The following ZNF350 variants were observed in gnomAD, a reference collection of about 807,000 sequenced individuals.
The protein encoded by ZNF350 is zinc finger protein 350.
A neutral mutation model predicts 13.1 loss-of-function variants in ZNF350; 5 were observed. That is an observed-to-expected ratio of 0.38 (90% confidence interval 0.20 to 0.80). ZNF350 has a LOEUF of 0.80. Among genes scored for constraint, ZNF350 ranks in the 30% least tolerant of loss-of-function variants. ZNF350 has a pLI of 0.43. For synonymous variants in ZNF350, 199 were observed against 224.2 expected (o/e 0.89, Z 1.00); for missense variants, 534 against 644.2 (o/e 0.83, Z 1.85).
At chr19:51,968,790 T>A in intron 3 of ZNF350, 117 bp from the exon 4 acceptor site, 1 of 1,425,412 alleles carries the variant, frequency 7.0e-7, no homozygotes, top group Non-Finnish European at 9.7e-7. Flanking sequence ...AAATTTAGTT[T>A]CTTATCTGAA....
At chr19:51,970,105 A>G (rs542695382) in intron 2 of ZNF350, among the ~76,000 whole-genome samples, 13 of 130,374 alleles carry the variant, frequency 1.0e-4, no homozygotes, top group Admixed American at 2.5e-4. Flanking sequence ...CCTCTTTCCC[A>G]GGCTGGAGTG....
At position 51,974,321 on chromosome 19, in the gene ZNF350, A is replaced by T. The variant is rs572350317; in HGVS notation, c.15+25T>A. 1.4e-4 allele frequency: 219 copies of T among 1,613,606 alleles called. 2 individuals are homozygous for T. In the South Asian group the frequency reaches 2.2e-3, roughly 17 times the overall value. On this transcript the variant is annotated intron_variant, in intron 2 of 4. Transcript: ENST00000243644. ...AATCTATTATGGAACAAAGGAAAGA[A>T]TAAAACAAACCAAAAGTCAGTTACC...
intron 1 of ZNF350, among the ~76,000 whole-genome samples, chr19:51,977,056 T>C (rs1395720726): frequency 1.3e-5 from 2 of 152,178 alleles, no homozygotes; most frequent in East Asian, 3.9e-4. Context: ...ACTGCCTCCT[T>C]CAGTTGCAGA....
At chr19:51,969,656 C>G (rs549645971) in intron 2 of ZNF350, among the ~76,000 whole-genome samples, 261 of 151,900 alleles carry the variant, frequency 1.7e-3, no homozygotes, top group African/African-American at 5.7e-3. Flanking sequence ...ACATGAGACC[C>G]CATCTGTACA....
rs3764539 is a variant in ZNF350, at chr19:51,965,237, C to T, written c.1216G>A (p.Glu406Lys). 2.5e-6 allele frequency: 4 copies of T among 1,614,082 alleles called. No homozygotes were observed. The highest frequency in any genetic ancestry group is 1.3e-5 in the African/African-American group (1 of 74,936). The part of the protein sequence containing the change: ...HTGERPYGCN[E>K]CGKAFAYMSC... ...ATATACGCAAACGCTTTCCCACACT[C>T]GTTACAGCCATAGGGTCTCTCTCCT... Residue 406 changes from glutamate (E) to lysine (K), a missense_variant, in exon 5 of 5, where the codon GAG becomes AAG. Glu to Lys is a moderately conservative substitution (Grantham distance 56). Coordinates refer to ENST00000243644, the MANE Select transcript of ZNF350 (RefSeq NM_021632.4).
chr19:51,977,666 A>AT (rs2085931955), intron 1 of ZNF350, among the ~76,000 whole-genome samples: 1 of 152,238 alleles, frequency 6.6e-6, no homozygotes, highest in African/African-American at 2.4e-5. Context: ...TTCTTGCAAG[A>AT]TTACATGAGG....
At chr19:51,967,554 C>T (rs1223013596) in intron 4 of ZNF350, among the ~76,000 whole-genome samples, 1 of 152,074 alleles carries the variant, frequency 6.6e-6, no homozygotes, top group Non-Finnish European at 1.5e-5. Flanking sequence ...TATTATATCA[C>T]AGAGATCACT....
rs4987242 is a variant in ZNF350, at chr19:51,969,069, G to A, written c.78C>T (p.Gly26=). Residue 26 remains glycine (G), a synonymous_variant, in exon 3 of 5, where the codon GGC becomes GGT. Transcript: ENST00000243644. ...DFTWEEWQLL[G]AAQKDLYRDV... ...CCCGGTACAGGTCCTTCTGAGCAGC[G>A]CCCAGGAGTTGCCACTCCTCCCAAG... is the stretch of plus-strand genomic sequence containing the variant. 1.7e-3 allele frequency: 2,718 copies of A among 1,614,042 alleles called. 5 individuals carry two copies. The highest frequency in any genetic ancestry group is 1.6e-3 in the Non-Finnish European group (1,923 of 1,179,968).
rs1006312316 is a variant in ZNF350, at chr19:51,968,857, T to C, written c.142+148A>G. ...TCAAGGTTTTTCTCTTACAAGAGGGTAGATTACACCGTCTTGTGTGGGAGC... is the reference window on the plus strand; with the variant it reads ...TCAAGGTTTTTCTCTTACAAGAGGGCAGATTACACCGTCTTGTGTGGGAGC... On this transcript the variant is annotated intron_variant, in intron 3 of 4. Transcript: ENST00000243644. 13 of 1,528,386 alleles carry C rather than the reference T, an allele frequency of 8.5e-6. No homozygotes were observed. In the African/African-American group the frequency reaches 1.8e-4, roughly 21 times the overall value. The allele number at this position is 1,528,386 out of a possible 1,614,324, so 94.7% of individuals were successfully genotyped here.
Position 51,965,183 on chromosome 19 carries a change from G to A in ZNF350, c.1270C>T (p.His424Tyr). Reference protein sequence around the residue: ...MSCLVKHKRIHTREKQEAAKV... With the variant: ...MSCLVKHKRIYTREKQEAAKV... ...GCTGCCTCTTGTTTCTCCCTTGTGT[G>A]TATTCTCTTATGCTTAACCAGACAC... The change falls in exon 5 of 5, where the codon CAC (histidine) becomes TAC (tyrosine). Residue 424 changes from histidine (H) to tyrosine (Y), a missense_variant. By Grantham distance (83) the His-to-Tyr change is moderately conservative. Transcript: ENST00000243644. 6.2e-7 allele frequency: 1 copy of A among 1,614,168 alleles called. No homozygotes were observed.
At chr19:51,971,897 G>A (rs2085749174) in intron 2 of ZNF350, among the ~76,000 whole-genome samples, 1 of 152,152 alleles carries the variant, frequency 6.6e-6, no homozygotes, top group African/African-American at 2.4e-5. Context: ...CCTTGAGCAG[G>A]GACTGGCCTA....
chr19:51,965,401 C>T lies in ZNF350; in HGVS notation c.1052G>A (p.Cys351Tyr). 1.9e-6 allele frequency: 3 copies of T among 1,614,180 alleles called. No homozygotes were observed. Among genetic ancestry groups the T allele is most frequent in the Non-Finnish European group, 2.5e-6 (3 of 1,180,030 alleles). Reference protein sequence around the residue: ...TGKTPFVCSECGKSCSQKSGL... With the variant: ...TGKTPFVCSEYGKSCSQKSGL... ...TGATTTCTGAGAACAGGATTTTCCACATTCACTGCACACAAAGGGCGTCTT... is the reference window on the plus strand; with the variant it reads ...TGATTTCTGAGAACAGGATTTTCCATATTCACTGCACACAAAGGGCGTCTT... The change falls in exon 5 of 5, where the codon TGT becomes TAT. Residue 351 changes from cysteine to tyrosine, a missense_variant. Cys to Tyr is a radical substitution (Grantham distance 194, BLOSUM62 -2). Coordinates refer to ENST00000243644, the MANE Select transcript of ZNF350 (RefSeq NM_021632.4).
At chr19:51,969,467 A>G (rs938016095) in intron 2 of ZNF350, among the ~76,000 whole-genome samples, 4 of 152,170 alleles carry the variant, frequency 2.6e-5, no homozygotes, top group African/African-American at 9.7e-5. Context: ...ACATATATAC[A>G]GCCATCCTTT....
intron 1 of ZNF350, among the ~76,000 whole-genome samples, chr19:51,979,499 C>T (rs547742403): frequency 2.0e-5 from 3 of 152,262 alleles, no homozygotes; most frequent in South Asian, 2.1e-4. Flanking sequence ...ACAAAGACGT[C>T]GCTCAGCCAT....
Position 51,966,113 on chromosome 19 carries a change from G to T in ZNF350, c.340C>A (p.His114Asn), listed in dbSNP as rs751294011. ...AACAGAAACTGACTTTTGCTGCAAT[G>T]AACAATATTTTCAAATGCATCATGT... Reference protein sequence around the residue: ...HEHDAFENIVHCSKSQFLLGQ... With the variant: ...HEHDAFENIVNCSKSQFLLGQ... Residue 114 changes from histidine to asparagine, a missense_variant, in exon 5 of 5, where the codon CAT becomes AAT. Physicochemically the swap from His to Asn is moderately conservative, Grantham distance 68. Transcript: ENST00000243644. 2.2e-5 allele frequency: 35 copies of T among 1,613,854 alleles called. No individual in the cohort carries two copies. Among genetic ancestry groups the T allele is most frequent in the Admixed American group, 3.3e-5 (2 of 59,986 alleles).
At position 51,965,321 on chromosome 19, in the gene ZNF350, C is replaced by T; in HGVS notation, c.1132G>A (p.Glu378Lys). Residue 378 changes from glutamate to lysine, a missense_variant, in exon 5 of 5, where the codon GAA becomes AAA. Glu to Lys is a moderately conservative substitution (Grantham distance 56, BLOSUM62 1). Transcript: ENST00000243644. ...TTTGTGCTAAAGGCTTTCCCACATTCACTACATTCAAAGGGTTTCTCTCCT... is the reference window on the plus strand; with the variant it reads ...TTTGTGCTAAAGGCTTTCCCACATTTACTACATTCAAAGGGTTTCTCTCCT... ...HTGEKPFECS[E>K]CGKAFSTKQK... is the part of the protein sequence containing the mutation. 1 of 1,613,994 alleles carries T rather than the reference C, an allele frequency of 6.2e-7. No homozygotes were observed. The highest frequency in any genetic ancestry group is 8.5e-7 in the Non-Finnish European group (1 of 1,179,866).
intron 3 of ZNF350, 147 bp downstream of exon 3, chr19:51,968,858 A>G (rs1245515335): frequency 1.3e-6 from 2 of 1,521,256 alleles, no homozygotes; most frequent in Admixed American, 1.8e-5. Flanking sequence ...ACAAGAGGGT[A>G]GATTACACCG....
rs749643171 is a variant in ZNF350, at chr19:51,976,277, G to A, written c.-171-1746C>T. On this transcript the variant is annotated intron_variant, in intron 1 of 4. Transcript: ENST00000243644. The surrounding 1 kb of genome is among the most constrained non-coding windows in gnomAD (Gnocchi z 4.5). ...TCTCTTTTGCCTAATAAATATGAAGGGCTGTGTAAAGCTCAGGGCCCTTGT... is the reference window on the plus strand; with the variant it reads ...TCTCTTTTGCCTAATAAATATGAAGAGCTGTGTAAAGCTCAGGGCCCTTGT... 1.3e-5 allele frequency: 2 copies of A among 152,226 alleles called. No homozygotes were observed. Among genetic ancestry groups the A allele is most frequent in the Non-Finnish European group, 2.9e-5 (2 of 68,124 alleles). 9.4% of individuals were successfully genotyped at this position (152,226 alleles called of 1,614,324 possible).
At chr19:51,971,664 A>AC (rs951391095) in intron 2 of ZNF350, among the ~76,000 whole-genome samples, 8 of 151,760 alleles carry the variant, frequency 5.3e-5, no homozygotes, top group South Asian at 4.2e-4. Context: ...CTTCCACTGC[A>AC]CCCCCCCAAC....
Sources: allele counts gnomAD v4.1 joint callset (sites outside exome capture counted in the v4.1 genomes callset), GRCh38; gene constraint gnomAD v4.1.1; non-coding constraint Gnocchi (gnomAD v3.1); transcripts MANE v1.5; gene names NCBI Gene and HGNC (gene_info 2026-07-23, HGNC 2026-07-21).